The following RGS7 variants were observed in gnomAD, a reference collection of about 807,000 sequenced individuals.
The protein encoded by RGS7 is regulator of G protein signaling 7.
A neutral mutation model predicts 81.1 loss-of-function variants in RGS7; 27 were observed. That is an observed-to-expected ratio of 0.33 (90% CI 0.25 to 0.46). The LOEUF is 0.46. Among genes scored for constraint, RGS7 ranks in the 20% least tolerant of loss-of-function variants. The probability of loss-of-function intolerance (pLI) is 1.00; values close to 1 mark genes in which losing one functional copy is unlikely to be tolerated. For missense variants in RGS7, 396 were observed against 607.4 expected (o/e 0.65, Z 3.66); for synonymous variants, 208 against 207.7 (o/e 1.00, Z -0.01).
intron 18 of RGS7, among the ~76,000 whole-genome samples, chr1:240,787,231 C>G (rs142053630): frequency 2.6e-5 from 4 of 152,226 alleles, no homozygotes; most frequent in East Asian, 3.9e-4. Flanking sequence ...GTTTGTATTT[C>G]TTTTGTTAAA....
At chr1:241,256,539 C>A (rs1257233976) in intron 2 of RGS7, among the ~76,000 whole-genome samples, 5 of 152,116 alleles carry the variant, frequency 3.3e-5, no homozygotes. Flanking sequence ...ACAAGAATAC[C>A]ATAGACTGGG....
Position 241,098,943 on chromosome 1 carries a change from C to G in RGS7, c.79-181G>C, listed in dbSNP as rs556053977. Among the ~76,000 whole-genome samples the G allele has an allele frequency of 2.6e-5, 4 of 152,232 alleles. No homozygotes were observed. In the East Asian group the frequency reaches 7.7e-4, roughly 29 times the overall value. On this transcript the variant is annotated intron_variant, in intron 2 of 18. Transcript: ENST00000440928. ...TGTTAAAAAGAGATGGAGGAAACAG[C>G]AAGAAAAACAGCCATGTTAGGGCCC... is the stretch of plus-strand genomic sequence containing the variant.
intron 18 of RGS7, among the ~76,000 whole-genome samples, chr1:240,794,516 T>C (rs1043487016): frequency 6.6e-6 from 1 of 152,254 alleles, no homozygotes; most frequent in Non-Finnish European, 1.5e-5. Context: ...CAAGTTTATA[T>C]GTTTTCTTTT....
chr1:240,955,143 C>G (rs1239232395), intron 4 of RGS7, among the ~76,000 whole-genome samples: 2 of 152,044 alleles, frequency 1.3e-5, no homozygotes, highest in African/African-American at 4.8e-5. Flanking sequence ...TTTAAAGATG[C>G]CAATTCATCA....
At chr1:240,980,271 T>C (rs1467322792) in intron 4 of RGS7, among the ~76,000 whole-genome samples, 1 of 152,182 alleles carries the variant, frequency 6.6e-6, no homozygotes, top group Non-Finnish European at 1.5e-5. Flanking sequence ...TCATTGGTCT[T>C]AAGTATGGTC....
chr1:241,310,760 GTGT>G (rs2080482106), intron 2 of RGS7, among the ~76,000 whole-genome samples: 1 of 152,096 alleles, frequency 6.6e-6, no homozygotes, highest in Non-Finnish European at 1.5e-5. Context: ...CCTGTTAAAT[GTGT>G]TGTTAACCAG....
chr1:240,883,857 CCT>C (rs1163917706), intron 6 of RGS7, among the ~76,000 whole-genome samples: 1 of 152,004 alleles, frequency 6.6e-6, no homozygotes, highest in Non-Finnish European at 1.5e-5. Context: ...GGGTGGATCA[CCT>C]GAGGTCAGGA....
intron 2 of RGS7, among the ~76,000 whole-genome samples, chr1:241,245,185 C>A (rs569498475): frequency 3.3e-5 from 5 of 152,116 alleles, no homozygotes; most frequent in Non-Finnish European, 5.9e-5. Flanking sequence ...CCACCCAAAT[C>A]TCACATCAAA....
intron 3 of RGS7, among the ~76,000 whole-genome samples, chr1:241,007,158 C>T (rs1162576325): frequency 6.6e-6 from 1 of 152,128 alleles, no homozygotes; most frequent in Non-Finnish European, 1.5e-5. Flanking sequence ...CTCAAGTGAT[C>T]CACCCATCTC....
chr1:241,045,064 C>T (rs1375012129), intron 3 of RGS7, among the ~76,000 whole-genome samples: 1 of 152,110 alleles, frequency 6.6e-6, no homozygotes, highest in African/African-American at 2.4e-5. Flanking sequence ...CAGTTTCTTT[C>T]CTTAATATGG....
chr1:241,112,350 T>A (rs1453747122), intron 2 of RGS7, among the ~76,000 whole-genome samples: 1 of 152,130 alleles, frequency 6.6e-6, no homozygotes, highest in Non-Finnish European at 1.5e-5. Context: ...CTCACAGCCA[T>A]CACCACCGTA....
At chr1:241,300,801 G>A (rs765895099) in intron 2 of RGS7, among the ~76,000 whole-genome samples, 1 of 152,210 alleles carries the variant, frequency 6.6e-6, no homozygotes, top group Non-Finnish European at 1.5e-5. Flanking sequence ...TGACTGTACA[G>A]TAAGAGTATG....
At chr1:241,235,930 G>GAA (rs1558220611) in intron 2 of RGS7, among the ~76,000 whole-genome samples, 2 of 147,644 alleles carry the variant, frequency 1.4e-5, no homozygotes, top group Admixed American at 1.4e-4. Flanking sequence ...GAGAGAGAGA[G>GAA]AGAAAGACAG....
intron 2 of RGS7, among the ~76,000 whole-genome samples, chr1:241,197,925 C>CA (rs1356576882): frequency 7.2e-6 from 1 of 139,490 alleles, no homozygotes; most frequent in East Asian, 2.1e-4. Context: ...CATAATTTAC[C>CA]AAAATTAAAC....
chr1:241,040,644 C>A (rs1393679250), intron 3 of RGS7, among the ~76,000 whole-genome samples: 1 of 151,958 alleles, frequency 6.6e-6, no homozygotes, highest in African/African-American at 2.4e-5. Flanking sequence ...TGGGATTACA[C>A]CATACCCGGC....
rs554957182 is a variant in RGS7 at position 241,206,903 on chromosome 1, T to G, written c.79-108141A>C. Reference sequence around the variant, plus strand: ...CACTTAGTGCTGTCTCAATTTACCTTCTTTCTTTCTCCCTCCCTCCCTCTC... The same window carrying G: ...CACTTAGTGCTGTCTCAATTTACCTGCTTTCTTTCTCCCTCCCTCCCTCTC... On this transcript the variant is annotated intron_variant, in intron 2 of 18. Transcript: ENST00000440928. 2.0e-5 allele frequency among the ~76,000 whole-genome samples: 3 copies of G among 151,318 alleles called. No homozygotes were observed. The East Asian group carries it at 5.9e-4, about 30-fold the overall frequency.
chr1:240,802,654 A>G (rs1034203257), intron 16 of RGS7, among the ~76,000 whole-genome samples: 2 of 152,170 alleles, frequency 1.3e-5, no homozygotes, highest in African/African-American at 4.8e-5. Context: ...TGAAACATGA[A>G]AACAGCTTCT....
intron 2 of RGS7, among the ~76,000 whole-genome samples, chr1:241,351,953 G>A (rs2083275099): frequency 1.3e-5 from 2 of 152,170 alleles, no homozygotes; most frequent in Non-Finnish European, 2.9e-5. Context: ...CCAATTTGAA[G>A]CTCTGGCCCC....
intron 18 of RGS7, among the ~76,000 whole-genome samples, chr1:240,795,892 C>T (rs1572123150): frequency 6.6e-6 from 1 of 152,078 alleles, no homozygotes; most frequent in East Asian, 1.9e-4. Flanking sequence ...AGAGGGTCAT[C>T]TAGAGGTGAA....
Sources: gnomAD v4.1 joint callset for allele counts (sites outside exome capture counted in the v4.1 genomes callset) on GRCh38, gnomAD v4.1.1 for gene constraint, MANE v1.5 for transcripts, NCBI Gene and HGNC (gene_info 2026-07-23, HGNC 2026-07-21) for gene names.